The following MCL1 variants were observed in gnomAD, a reference collection of about 807,000 sequenced individuals.
MCL1 encodes induced myeloid leukemia cell differentiation protein Mcl-1.
A neutral mutation model predicts 24.2 loss-of-function variants in MCL1; 4 were observed. That is an observed-to-expected ratio of 0.17 (90% CI 0.08 to 0.38). The LOEUF is 0.38. MCL1 is among the 10% of genes least tolerant of loss of function. MCL1 has a pLI of 1.00. For missense variants in MCL1, 529 were observed against 480.3 expected (o/e 1.10, Z -0.95); for synonymous variants, 248 against 214.0 (o/e 1.16, Z -1.39).
In MCL1 at chr1:150,579,344, C is replaced by T. The variant is rs2101700177; in HGVS notation, c.187G>A (p.Ala63Thr). 1 of 1,471,498 alleles carries T rather than the reference C, an allele frequency of 6.8e-7. No individual in the cohort carries two copies. Among genetic ancestry groups the T allele is most frequent in the Non-Finnish European group, 8.9e-7 (1 of 1,119,714 alleles). 91.2% of individuals were successfully genotyped at this position (1,471,498 alleles called of 1,614,324 possible). Residue 63 changes from alanine to threonine, a missense_variant, in exon 1 of 3, where the codon GCA becomes ACA. Coordinates refer to ENST00000369026, the MANE Select transcript of MCL1 (RefSeq NM_021960.5). ...GGCGTGAGGGTGGACGGGGGGCTTG[C>T]GCCGGCGCTTCCGCCAATCACCGCG... is the stretch of plus-strand genomic sequence containing the variant. ...AGAVIGGSAG[A>T]SPPSTLTPDS...
chr1:150,577,526 A>C (rs369468876), intron 2 of MCL1, 35 bp from the exon 3 acceptor site: 7 of 1,475,708 alleles, frequency 4.7e-6, no homozygotes, highest in Non-Finnish European at 3.6e-6. Flanking sequence ...ATTTTCAAGT[A>C]TGGGTTTCTG....
Position 150,574,785 on chromosome 1 carries a change from T to A in MCL1, c.*2590A>T, listed in dbSNP as rs587666563. On this transcript the variant is annotated 3_prime_UTR_variant, in exon 3 of 3. Coordinates refer to ENST00000369026, the MANE Select transcript of MCL1 (RefSeq NM_021960.5). Reference sequence around the variant, plus strand: ...GAGAGAAGCGTAAGACAAACAGAAGTCAAAAAGTAGTCACTGGGAGCGCCA... The same window carrying A: ...GAGAGAAGCGTAAGACAAACAGAAGACAAAAAGTAGTCACTGGGAGCGCCA... 5 of 233,144 alleles carry A rather than the reference T, an allele frequency of 2.1e-5. No homozygotes were observed. In the Admixed American group the frequency reaches 2.8e-4, roughly 13 times the overall value. The allele number at this position is 233,144 out of a possible 1,614,324, so 14.4% of individuals were successfully genotyped here. A position where few individuals can be genotyped will look rare whatever the true frequency, so the allele number is the denominator to read the frequency against.
At position 150,578,497 on chromosome 1, in the gene MCL1, A is replaced by G. The variant is rs2101696423; in HGVS notation, c.689-6T>C. On this transcript the variant is annotated splice_region_variant and splice_polypyrimidine_tract_variant and intron_variant, in intron 1 of 2. Coordinates refer to ENST00000369026, the MANE Select transcript of MCL1 (RefSeq NM_021960.5). ...GTCCAGTTTCCGAAGCATGCCTGAG[A>G]AAGAAAAGCATGCAGGTCCTCACGG... 6.2e-7 allele frequency: 1 copy of G among 1,614,014 alleles called. No individual in the cohort carries two copies. The highest frequency in any genetic ancestry group is 8.5e-7 in the Non-Finnish European group (1 of 1,179,970).
At position 150,574,951 on chromosome 1, in the gene MCL1, C is replaced by G. The variant is rs1442565909; in HGVS notation, c.*2424G>C. Reference sequence around the variant, plus strand: ...CCTTTCCCAAACCACTTGGGGTGTCCTAAGCCCTCACTGCCCCAAGCCCAA... The same window carrying G: ...CCTTTCCCAAACCACTTGGGGTGTCGTAAGCCCTCACTGCCCCAAGCCCAA... On this transcript the variant is annotated 3_prime_UTR_variant, in exon 3 of 3. Coordinates refer to ENST00000369026, the MANE Select transcript of MCL1 (RefSeq NM_021960.5). 4.3e-6 allele frequency: 1 copy of G among 233,162 alleles called. No homozygotes were observed. Among genetic ancestry groups the G allele is most frequent in the Admixed American group, 5.6e-5 (1 of 17,766 alleles). 14.4% of individuals were successfully genotyped at this position (233,162 alleles called of 1,614,324 possible).
chr1:150,578,506 C>T lies in MCL1; in HGVS notation c.689-15G>A, dbSNP rs751762721. The T allele has an allele frequency of 1.9e-6, 3 of 1,613,384 alleles. No homozygotes were observed. The highest frequency in any genetic ancestry group is 2.5e-6 in the Non-Finnish European group (3 of 1,179,648). ...CCGAAGCATGCCTGAGAAAGAAAAG[C>T]ATGCAGGTCCTCACGGCCTCCTTTG... On this transcript the variant is annotated splice_polypyrimidine_tract_variant and intron_variant, in intron 1 of 2. Coordinates refer to ENST00000369026, the MANE Select transcript of MCL1 (RefSeq NM_021960.5).
Position 150,575,680 on chromosome 1 carries a change from TC to T in MCL1, c.*1694del. The T allele has an allele frequency of 8.6e-6, 2 of 233,012 alleles. No homozygotes were observed. Among genetic ancestry groups the T allele is most frequent in the Non-Finnish European group, 8.5e-6 (1 of 117,956 alleles). The allele number at this position is 233,012 out of a possible 1,614,324, so 14.4% of individuals were successfully genotyped here. ...TTACCACCTGCTAACAGGATCAAGT[TC>T]GTGAAAGATGAAAGGTCTGTGGACT... On this transcript the variant is annotated 3_prime_UTR_variant, in exon 3 of 3. Coordinates refer to ENST00000369026, the MANE Select transcript of MCL1 (RefSeq NM_021960.5).
Position 150,576,090 on chromosome 1 carries a change from A to C in MCL1, c.*1285T>G, listed in dbSNP as rs1647787768. The C allele has an allele frequency of 4.3e-6, 1 of 233,654 alleles. No individual in the cohort carries two copies. Among genetic ancestry groups the C allele is most frequent in the Non-Finnish European group, 8.5e-6 (1 of 118,012 alleles). The allele number at this position is 233,654 out of a possible 1,614,324, so 14.5% of individuals were successfully genotyped here. On this transcript the variant is annotated 3_prime_UTR_variant, in exon 3 of 3. Transcript: ENST00000369026. The stretch of plus-strand genomic sequence containing the variant: ...TTTCCAAGCCATCATTTTATAATTT[A>C]TTAAGCAAACAAGGGATCAAATGTC...
At position 150,579,356 on chromosome 1, in the gene MCL1, C is replaced by T. The variant is rs2101700229; in HGVS notation, c.175G>A (p.Gly59Arg). 6.8e-7 allele frequency: 1 copy of T among 1,479,942 alleles called. No individual in the cohort carries two copies. Among genetic ancestry groups the T allele is most frequent in the Non-Finnish European group, 8.9e-7 (1 of 1,123,876 alleles). 91.7% of individuals were successfully genotyped at this position (1,479,942 alleles called of 1,614,324 possible). A position where few individuals can be genotyped will look rare whatever the true frequency, so the allele number is the denominator to read the frequency against. Residue 59 changes from glycine (G) to arginine (R), a missense_variant, in exon 1 of 3, where the codon GGA (glycine) becomes AGA (arginine). Physicochemically the swap from Gly to Arg is moderately radical, Grantham distance 125 (BLOSUM62 -2). Transcript: ENST00000369026. ...GGGEAGAVIG[G>R]SAGASPPSTL... Reference sequence around the variant, plus strand: ...GACGGGGGGCTTGCGCCGGCGCTTCCGCCAATCACCGCGCCGGCCTCCCCT... The same window carrying T: ...GACGGGGGGCTTGCGCCGGCGCTTCTGCCAATCACCGCGCCGGCCTCCCCT...
rs1647706939 is a variant in MCL1, at chr1:150,574,618, C to T, written c.*2757G>A. 4.3e-6 allele frequency: 1 copy of T among 232,444 alleles called. No individual in the cohort carries two copies. The highest frequency in any genetic ancestry group is 2.2e-5 in the African/African-American group (1 of 45,346). 14.4% of individuals were successfully genotyped at this position (232,444 alleles called of 1,614,324 possible). ...AACAGAAAGTTAGGGAAACACACTA[C>T]ATTTGACAACCAACATTAATTTGTA... is the stretch of plus-strand genomic sequence containing the variant. On this transcript the variant is annotated 3_prime_UTR_variant, in exon 3 of 3. Transcript: ENST00000369026.
chr1:150,578,084 A>T lies in MCL1; in HGVS notation c.936+160T>A, dbSNP rs1570981582. Among the ~76,000 whole-genome samples, 4 of 152,330 alleles carry T rather than the reference A, an allele frequency of 2.6e-5. 1 individual carries two copies. The Middle Eastern group carries it at 0.014, about 518-fold the overall frequency. The stretch of plus-strand genomic sequence containing the variant: ...GACCGCCATACCACTATCTCTAAGG[A>T]TCCACTACTTAAATCAACATCAAAT... On this transcript the variant is annotated intron_variant, in intron 2 of 2. Transcript: ENST00000369026.
In MCL1 at chr1:150,579,394, C is replaced by T. The variant is rs61819445; in HGVS notation, c.137G>A (p.Arg46Gln). The T allele has an allele frequency of 6.4e-7, 1 of 1,552,716 alleles. No homozygotes were observed. Among genetic ancestry groups the T allele is most frequent in the Non-Finnish European group, 8.7e-7 (1 of 1,155,506 alleles). Residue 46 changes from arginine (R) to glutamine (Q), a missense_variant, in exon 1 of 3, where the codon CGA (arginine) becomes CAA (glutamine). By Grantham distance (43) the Arg-to-Gln change is conservative. Coordinates refer to ENST00000369026, the MANE Select transcript of MCL1 (RefSeq NM_021960.5). ...GCCGGCCTCCCCTCCCCCTATCTCTCGCCGGGCCGAGGCCTCCTTCTCCGT... is the reference window on the plus strand; with the variant it reads ...GCCGGCCTCCCCTCCCCCTATCTCTTGCCGGGCCGAGGCCTCCTTCTCCGT... Reference protein sequence around the residue: ...LATEKEASARREIGGGEAGAV... With the variant: ...LATEKEASARQEIGGGEAGAV...
At position 150,578,867 on chromosome 1, in the gene MCL1, G is replaced by A. The variant is rs2101697575; in HGVS notation, c.664C>T (p.Arg222Cys). The change falls in exon 1 of 3, where the codon CGC (arginine) becomes TGC (cysteine). Residue 222 changes from arginine (R) to cysteine (C), a missense_variant. Arg to Cys is a radical substitution (Grantham distance 180). Coordinates refer to ENST00000369026, the MANE Select transcript of MCL1 (RefSeq NM_021960.5). The stretch of plus-strand genomic sequence containing the variant: ...CCTTGGAAGGCCGTCTCGTGGTTGC[G>A]CTGCACGCCATCCCCAACCCGTCGT... ...TLRRVGDGVQ[R>C]NHETAFQGML... 1.2e-6 allele frequency: 2 copies of A among 1,612,890 alleles called. No individual in the cohort carries two copies. The highest frequency in any genetic ancestry group is 1.3e-5 in the African/African-American group (1 of 75,028).
intron 1 of MCL1, 42 bp downstream of exon 1, chr1:150,578,801 A>T: frequency 1.9e-6 from 3 of 1,572,466 alleles, no homozygotes; most frequent in Non-Finnish European, 2.6e-6. Context: ...GGAGAGATGG[A>T]AAAAAGGGAG....
In MCL1 at chr1:150,577,504, AAAG is replaced by A. The variant is rs1647861025; in HGVS notation, c.937-16_937-14del. ...CCACAAACCCATCCTAGAAAACAAA[AAAG>A]AAAAGCACATTTTCAAGTATGGGTT... On this transcript the variant is annotated splice_polypyrimidine_tract_variant and intron_variant, in intron 2 of 2. Transcript: ENST00000369026. 3 of 1,594,752 alleles carry A rather than the reference AAAG, an allele frequency of 1.9e-6. No individual in the cohort carries two copies. Among genetic ancestry groups the A allele is most frequent in the African/African-American group, 2.8e-5 (2 of 72,408 alleles).
In MCL1 at chr1:150,579,184, G is replaced by A. The variant is rs1647964441; in HGVS notation, c.347C>T (p.Ala116Val). 6.2e-7 allele frequency: 1 copy of A among 1,605,298 alleles called. No homozygotes were observed. The highest frequency in any genetic ancestry group is 8.5e-7 in the Non-Finnish European group (1 of 1,177,772). Residue 116 changes from alanine to valine, a missense_variant, in exon 1 of 3, where the codon GCT becomes GTT. Physicochemically the swap from Ala to Val is moderately conservative, Grantham distance 64. Transcript: ENST00000369026. ...CTCTTCGGGCGACATGATGGCGTCA[G>A]CGGCCGGGGCTTCCATCTCCTCAAG... ...APLEEMEAPA[A>V]DAIMSPEEEL...
intron 2 of MCL1, among the ~76,000 whole-genome samples, chr1:150,577,935 G>C (rs992737355): frequency 1.3e-5 from 2 of 152,098 alleles, no homozygotes; most frequent in Non-Finnish European, 2.9e-5. Flanking sequence ...ACCGCCTTAG[G>C]AATTATTTCA....
At position 150,575,091 on chromosome 1, in the gene MCL1, C is replaced by A. The variant is rs982810065; in HGVS notation, c.*2284G>T. The A allele has an allele frequency of 4.3e-6, 1 of 233,326 alleles. No individual in the cohort carries two copies. Among genetic ancestry groups the A allele is most frequent in the Non-Finnish European group, 8.5e-6 (1 of 117,936 alleles). 14.5% of individuals were successfully genotyped at this position (233,326 alleles called of 1,614,324 possible). On this transcript the variant is annotated 3_prime_UTR_variant, in exon 3 of 3. Transcript: ENST00000369026. Reference sequence around the variant, plus strand: ...ACTTGTTTCCACTGGATTTGGCAGACAGGCTTTTTTAGTTACCGTAACCAG... The same window carrying A: ...ACTTGTTTCCACTGGATTTGGCAGAAAGGCTTTTTTAGTTACCGTAACCAG...
intron 2 of MCL1, 62 bp downstream of exon 2, chr1:150,578,182 T>TA (rs587650071): frequency 9.7e-5 from 152 of 1,560,382 alleles, no homozygotes; most frequent in African/African-American, 2.6e-4. Flanking sequence ...CCCACCTCTC[T>TA]AAAAAAAATC....
In MCL1 at chr1:150,574,587, A is replaced by G; in HGVS notation, c.*2788T>C. On this transcript the variant is annotated 3_prime_UTR_variant, in exon 3 of 3. Transcript: ENST00000369026. ...AATAAAAGATTTATTTTTTTTTCTC[A>G]GGAAAAACAGAAAGTTAGGGAAACA... is the stretch of plus-strand genomic sequence containing the variant. The G allele has an allele frequency of 4.3e-6, 1 of 230,356 alleles. No individual in the cohort carries two copies. The highest frequency in any genetic ancestry group is 2.2e-5 in the African/African-American group (1 of 45,244). The allele number at this position is 230,356 out of a possible 1,614,324, so 14.3% of individuals were successfully genotyped here.
Sources: allele counts gnomAD v4.1 joint callset (sites outside exome capture counted in the v4.1 genomes callset), GRCh38; gene constraint gnomAD v4.1.1; transcripts MANE v1.5; gene names NCBI Gene and HGNC (gene_info 2026-07-23, HGNC 2026-07-21).